The following ADARB2 variants were observed in gnomAD, a reference collection of about 807,000 sequenced individuals.
ADARB2 encodes inactive double-stranded RNA-specific editase B2.
A neutral mutation model predicts 62.2 loss-of-function variants in ADARB2; 25 were observed. The observed-to-expected ratio is 0.40, with a 90% CI of 0.29 to 0.56. The LOEUF (loss-of-function observed/expected upper bound fraction) is 0.56. Ranked by LOEUF, ADARB2 falls within the 20% of genes least tolerant of loss-of-function variation. The pLI, the probability that ADARB2 is intolerant of heterozygous loss-of-function variation, is 0.43. For synonymous variants in ADARB2, 572 were observed against 500.8 expected (o/e 1.14, Z -1.90); for missense variants, 1,071 against 1,077.4 (o/e 0.99, Z 0.08).
intron 1 of ADARB2, among the ~76,000 whole-genome samples, chr10:1,415,544 G>C (rs181145199): frequency 6.6e-6 from 1 of 152,122 alleles, no homozygotes; most frequent in Non-Finnish European, 1.5e-5. Flanking sequence ...TTTGGGAATA[G>C]GGTGACTCTC....
rs138382908 is a variant in ADARB2 at position 1,585,800 on chromosome 10, C to T, written c.100+151251G>A. Among the ~76,000 whole-genome samples, 355 of 152,232 alleles carry T rather than the reference C, an allele frequency of 2.3e-3. 4 individuals carry two copies. The highest frequency in any genetic ancestry group is 7.7e-3 in the African/African-American group (320 of 41,520). ...CTGTAATCTCAGCACTTTGGGAGGC[C>T]AAGGTGGGCAGATCACGAGGTCAGG... On this transcript the variant is annotated intron_variant, in intron 1 of 9. Coordinates refer to ENST00000381312, the MANE Select transcript of ADARB2 (RefSeq NM_018702.4).
chr10:1,385,765 T>G (rs1172806060), intron 1 of ADARB2, among the ~76,000 whole-genome samples: 3 of 152,144 alleles, frequency 2.0e-5, no homozygotes, highest in Non-Finnish European at 4.4e-5. Context: ...TTTAGACACA[T>G]CAAATCACAG....
rs1032103449 is a variant in ADARB2, at chr10:1,204,000, G to A, written c.1683-3853C>T. Reference sequence around the variant, plus strand: ...GAGGCTGCTCAGTTCGAGAACCACCGTCTCCGTGTTGGTTCTGGGGTCACA... The same window carrying A: ...GAGGCTGCTCAGTTCGAGAACCACCATCTCCGTGTTGGTTCTGGGGTCACA... On this transcript the variant is annotated intron_variant, in intron 7 of 9. Transcript: ENST00000381312. Among the ~76,000 whole-genome samples, 10 of 152,160 alleles carry A rather than the reference G, an allele frequency of 6.6e-5. No individual in the cohort carries two copies. In the East Asian group the frequency reaches 7.7e-4, roughly 12 times the overall value.
chr10:1,719,115 T>C (rs1835057554), intron 1 of ADARB2, among the ~76,000 whole-genome samples: 1 of 152,120 alleles, frequency 6.6e-6, no homozygotes, highest in Non-Finnish European at 1.5e-5. Flanking sequence ...AGGTGTGTGT[T>C]ACCATACCTG....
At chr10:1,204,736 C>T (rs1169074225) in intron 7 of ADARB2, among the ~76,000 whole-genome samples, 13 of 152,256 alleles carry the variant, frequency 8.5e-5, no homozygotes, top group Admixed American at 8.5e-4. Context: ...CTGCCTCCTG[C>T]CGGGCTGCCC....
intron 1 of ADARB2, among the ~76,000 whole-genome samples, chr10:1,727,502 GCAAT>G (rs1588368674): frequency 6.6e-6 from 1 of 152,166 alleles, no homozygotes; most frequent in East Asian, 1.9e-4. Flanking sequence ...TTACAAAAAC[GCAAT>G]CAGTTTTCTC....
chr10:1,200,017 C>A lies in ADARB2; in HGVS notation c.1813G>T (p.Gly605Cys). 6.3e-7 allele frequency: 1 copy of A among 1,585,248 alleles called. No individual in the cohort carries two copies. ...TAGGAGGCGGGCAGCTGGCCGACAC[C>A]CTCCATGCGGTGGCTCATGACGCGT... ...LARVMSHRMEGVGQLPASYRH... is the reference protein window; with the variant it reads ...LARVMSHRMECVGQLPASYRH... The change falls in exon 8 of 10, where the codon GGT (glycine) becomes TGT (cysteine). Residue 605 changes from glycine to cysteine, a missense_variant. Gly to Cys is a radical substitution (Grantham distance 159). Transcript: ENST00000381312.
At chr10:1,449,513 T>G (rs975043364) in intron 1 of ADARB2, among the ~76,000 whole-genome samples, 2 of 152,316 alleles carry the variant, frequency 1.3e-5, no homozygotes, top group South Asian at 2.1e-4. Context: ...CCCTAATTCC[T>G]TTCAGGACCC....
intron 1 of ADARB2, among the ~76,000 whole-genome samples, chr10:1,509,974 A>G (rs539660805): frequency 6.6e-6 from 1 of 151,328 alleles, no homozygotes; most frequent in East Asian, 1.9e-4. Context: ...TTAAAATCCC[A>G]TTTGCTTCCC....
chr10:1,245,484 C>A, intron 4 of ADARB2, among the ~76,000 whole-genome samples: 1 of 138,300 alleles, frequency 7.2e-6, no homozygotes, highest in Non-Finnish European at 1.6e-5. Context: ...CTATTCCTCC[C>A]CCCTCCCCCC....
intron 1 of ADARB2, among the ~76,000 whole-genome samples, chr10:1,449,346 C>G (rs574065040): frequency 4.6e-5 from 7 of 152,310 alleles, no homozygotes; most frequent in Non-Finnish European, 1.0e-4. Context: ...GTGACCCATC[C>G]TGTATCAGCC....
At position 1,463,056 on chromosome 10, in the gene ADARB2, T is replaced by A. The variant is rs553136667; in HGVS notation, c.101-83896A>T. ...GCTGGTGGGGCAGGTGGGATGTGTG[T>A]CCATTTAGGGATGCCTAAGTGAGCG... On this transcript the variant is annotated intron_variant, in intron 1 of 9. Transcript: ENST00000381312. Among the ~76,000 whole-genome samples the A allele has an allele frequency of 2.2e-4, 34 of 152,250 alleles. 1 individual carries two copies. In the South Asian group the frequency reaches 7.0e-3, roughly 32 times the overall value.
intron 1 of ADARB2, among the ~76,000 whole-genome samples, chr10:1,595,988 C>T (rs80023170): frequency 1.3e-3 from 203 of 152,352 alleles, no homozygotes; most frequent in African/African-American, 3.7e-3. Context: ...GCTCTGCCTA[C>T]GGCTTTGTGG....
chr10:1,188,380 G>A (rs943535348), intron 8 of ADARB2: 1 of 152,230 alleles, frequency 6.6e-6, no homozygotes, highest in African/African-American at 2.4e-5. Flanking sequence ...TCACCTAATT[G>A]TGTCCAGGGA....
At chr10:1,433,124 C>G (rs1830794221) in intron 1 of ADARB2, among the ~76,000 whole-genome samples, 1 of 152,092 alleles carries the variant, frequency 6.6e-6, no homozygotes, top group Non-Finnish European at 1.5e-5. Flanking sequence ...TTATCATAAT[C>G]AAAGAGAAAA....
At chr10:1,416,394 C>T (rs1228836951) in intron 1 of ADARB2, among the ~76,000 whole-genome samples, 3 of 152,214 alleles carry the variant, frequency 2.0e-5, no homozygotes, top group Non-Finnish European at 4.4e-5. Flanking sequence ...GCCAATCATT[C>T]TATTGCACTT....
chr10:1,528,509 C>T (rs1832178370), intron 1 of ADARB2, among the ~76,000 whole-genome samples: 1 of 152,192 alleles, frequency 6.6e-6, no homozygotes, highest in Non-Finnish European at 1.5e-5. Context: ...CACACTTTTA[C>T]TCCTGTTTTA....
chr10:1,266,044 C>T (rs564202471), intron 4 of ADARB2, among the ~76,000 whole-genome samples: 2 of 133,838 alleles, frequency 1.5e-5, no homozygotes, highest in South Asian at 2.7e-4. Flanking sequence ...CCCCGGAAGA[C>T]GGCCTGAGCC....
intron 1 of ADARB2, among the ~76,000 whole-genome samples, chr10:1,559,370 T>A (rs1310302047): frequency 6.6e-6 from 1 of 151,804 alleles, no homozygotes; most frequent in Non-Finnish European, 1.5e-5. Flanking sequence ...CGTGGTGAGG[T>A]CGGAGTCTCT....
Sources: gnomAD v4.1 joint callset for allele counts (sites outside exome capture counted in the v4.1 genomes callset) on GRCh38, gnomAD v4.1.1 for gene constraint, MANE v1.5 for transcripts, NCBI Gene and HGNC (gene_info 2026-07-23, HGNC 2026-07-21) for gene names.